The following MAML3 variants were observed in gnomAD, a reference collection of about 807,000 sequenced individuals.
MAML3 encodes mastermind-like protein 3.
Under a neutral mutation model 101.9 loss-of-function variants are expected in MAML3, and 27 were observed. The observed-to-expected ratio is 0.27, with a 90% CI of 0.20 to 0.37. The LOEUF is 0.37. Among genes scored for constraint, MAML3 ranks in the 10% least tolerant of loss-of-function variants. The pLI is 1.00. For missense variants in MAML3, 1,316 were observed against 1,444.9 expected (o/e 0.91, Z 1.45); for synonymous variants, 501 against 555.9 (o/e 0.90, Z 1.39).
At chr4:140,054,361 T>G (rs1371034266) in intron 1 of MAML3, among the ~76,000 whole-genome samples, 4 of 128,734 alleles carry the variant, frequency 3.1e-5, no homozygotes, top group Non-Finnish European at 6.4e-5. Flanking sequence ...AGAGGGAGAC[T>G]CCGTCTCAAA....
intron 1 of MAML3, among the ~76,000 whole-genome samples, chr4:140,010,671 A>G (rs1412888463): frequency 2.0e-5 from 3 of 152,196 alleles, no homozygotes; most frequent in Non-Finnish European, 4.4e-5. Flanking sequence ...AGGTCTGCTC[A>G]TGTTAGGAAA....
chr4:140,150,186 CT>C (rs142305687), intron 1 of MAML3, among the ~76,000 whole-genome samples: 18,101 of 152,146 alleles, frequency 0.12, 1,197 homozygotes, highest in Middle Eastern at 0.25. Context: ...TCTTTCAAGT[CT>C]ATTTGTTGCT....
At chr4:140,031,419 C>A (rs1726905862) in intron 1 of MAML3, among the ~76,000 whole-genome samples, 1 of 152,038 alleles carries the variant, frequency 6.6e-6, no homozygotes, top group Non-Finnish European at 1.5e-5. Context: ...CTGCAGAGAA[C>A]AAAAAGTTTC....
chr4:139,747,448 C>T (rs1434492550), intron 2 of MAML3, among the ~76,000 whole-genome samples: 1 of 152,200 alleles, frequency 6.6e-6, no homozygotes, highest in Non-Finnish European at 1.5e-5. Context: ...AATCCCAGCA[C>T]TTTGGGAGGC....
chr4:139,981,461 G>T (rs537059532), intron 1 of MAML3, among the ~76,000 whole-genome samples: 6 of 152,148 alleles, frequency 3.9e-5, no homozygotes, highest in Non-Finnish European at 7.4e-5. Context: ...AATTTGCAAA[G>T]ATAATACAGA....
chr4:139,820,588 C>G (rs1730957226), intron 2 of MAML3, among the ~76,000 whole-genome samples: 1 of 152,178 alleles, frequency 6.6e-6, no homozygotes, highest in African/African-American at 2.4e-5. Context: ...AACCAAAAAT[C>G]CAACCTCAAG....
intron 2 of MAML3, among the ~76,000 whole-genome samples, chr4:139,858,419 A>C (rs1190776758): frequency 1.3e-5 from 2 of 150,852 alleles, no homozygotes; most frequent in African/African-American, 4.9e-5. Context: ...TGACCAGAAC[A>C]GAACTATGGC....
rs1034984757 is a variant in MAML3, at chr4:139,953,353, C to T, written c.469-62386G>A. On this transcript the variant is annotated intron_variant, in intron 1 of 4. Coordinates refer to ENST00000509479, the MANE Select transcript of MAML3 (RefSeq NM_018717.5). ...TTACATTTAATGAAACAACTTTGTG[C>T]GGTGGCTCATGCCTATAATCCTAAC... Among the ~76,000 whole-genome samples the T allele has an allele frequency of 7.9e-5, 12 of 152,306 alleles. No homozygotes were observed. In the East Asian group the frequency reaches 1.2e-3, roughly 15 times the overall value.
chr4:139,801,870 C>T (rs1730616455), intron 2 of MAML3, among the ~76,000 whole-genome samples: 1 of 152,146 alleles, frequency 6.6e-6, no homozygotes, highest in South Asian at 2.1e-4. Flanking sequence ...TTCCTAAGTA[C>T]AGGGCAGGCT....
Position 139,889,931 on chromosome 4 carries a change from TGCTGCTGCTGCTGCTGC to T in MAML3, c.1488_1504del (p.Gln497AlafsTer24), listed in dbSNP as rs758522628. ...CTGTTGCTGCTGCTGCTGCTGCTGCTGCTGCTGCTGCTGCTGCTGCTGCTGCTGCTGCTGCTGTTGCT... is the reference window on the plus strand; with the variant it reads ...CTGTTGCTGCTGCTGCTGCTGCTGCTTGCTGCTGCTGCTGCTGCTGTTGCT... On this transcript the variant is annotated frameshift_variant, in exon 2 of 5. Transcript: ENST00000509479. LOFTEE classifies it high-confidence loss of function. 3.8e-5 allele frequency: 57 copies of T among 1,516,708 alleles called. 2 individuals carry two copies. In the African/African-American group the frequency reaches 4.1e-4, roughly 11 times the overall value. 94.0% of individuals were successfully genotyped at this position (1,516,708 alleles called of 1,614,324 possible). A position where few individuals can be genotyped will look rare whatever the true frequency, so the allele number is the denominator to read the frequency against.
intron 2 of MAML3, among the ~76,000 whole-genome samples, chr4:139,739,812 C>T (rs572960798): frequency 6.7e-6 from 1 of 149,086 alleles, no homozygotes; most frequent in Admixed American, 6.7e-5. Flanking sequence ...TATTTTTATA[C>T]TTTTTCAAAT....
At chr4:139,862,754 G>A (rs1362069472) in intron 2 of MAML3, among the ~76,000 whole-genome samples, 1 of 152,116 alleles carries the variant, frequency 6.6e-6, no homozygotes, top group Non-Finnish European at 1.5e-5. Context: ...AAAGGGCACT[G>A]GACTAGAATA....
chr4:140,153,554 G>C lies in MAML3; in HGVS notation c.-227C>G. 1.9e-6 allele frequency: 1 copy of C among 513,588 alleles called. No individual in the cohort carries two copies. Among genetic ancestry groups the C allele is most frequent in the Non-Finnish European group, 3.4e-6 (1 of 295,558 alleles). The allele number at this position is 513,588 out of a possible 1,614,324, so 31.8% of individuals were successfully genotyped here. On this transcript the variant is annotated 5_prime_UTR_variant, in exon 1 of 5. Coordinates refer to ENST00000509479, the MANE Select transcript of MAML3 (RefSeq NM_018717.5). ...TAAAAGCTCAAGGGGAAGAAAAGGGGGGAACGTTATCGGAATACCATCAGA... is the reference window on the plus strand; with the variant it reads ...TAAAAGCTCAAGGGGAAGAAAAGGGCGGAACGTTATCGGAATACCATCAGA...
At chr4:139,728,339 G>A (rs1282594589) in intron 3 of MAML3, among the ~76,000 whole-genome samples, 2 of 152,202 alleles carry the variant, frequency 1.3e-5, no homozygotes, top group African/African-American at 4.8e-5. Flanking sequence ...GCTGGGCCAT[G>A]TGGCTGCAGC....
chr4:140,063,966 G>A (rs1226776779), intron 1 of MAML3, among the ~76,000 whole-genome samples: 4 of 152,156 alleles, frequency 2.6e-5, no homozygotes, highest in Non-Finnish European at 5.9e-5. Flanking sequence ...GCTGAAAGAG[G>A]TTATTTAAGA....
intron 2 of MAML3, among the ~76,000 whole-genome samples, chr4:139,874,703 A>T (rs1040701018): frequency 6.6e-6 from 1 of 152,204 alleles, no homozygotes; most frequent in East Asian, 1.9e-4. Context: ...AATTTTAAAA[A>T]CACAGTACAT....
At chr4:139,861,477 A>ATTGTG (rs1553960820) in intron 2 of MAML3, among the ~76,000 whole-genome samples, 306 of 146,494 alleles carry the variant, frequency 2.1e-3, no homozygotes, top group African/African-American at 7.5e-3. Flanking sequence ...TAACCAGCCG[A>ATTGTG]TGTGTGTGTG....
At chr4:139,865,485 G>GT (rs67288115) in intron 2 of MAML3, among the ~76,000 whole-genome samples, 155 of 90,044 alleles carry the variant, frequency 1.7e-3, no homozygotes, top group African/African-American at 8.0e-3. Context: ...TCTGTAAAAG[G>GT]TTTTTTTTTT....
intron 1 of MAML3, among the ~76,000 whole-genome samples, chr4:140,020,858 C>G (rs1042843666): frequency 1.3e-5 from 2 of 152,168 alleles, no homozygotes; most frequent in Admixed American, 6.5e-5. Context: ...CTAGAGTCAG[C>G]TTTTCTGTAG....
Sources: allele counts gnomAD v4.1 joint callset (sites outside exome capture counted in the v4.1 genomes callset), GRCh38; gene constraint gnomAD v4.1.1; transcripts MANE v1.5; gene names NCBI Gene and HGNC (gene_info 2026-07-23, HGNC 2026-07-21).